The following RGS17 variants were observed in gnomAD, a reference collection of about 807,000 sequenced individuals.
RGS17 encodes the protein regulator of G-protein signaling 17.
RGS17 carries 12 observed loss-of-function variants against 25.5 expected under a neutral mutation model. The ratio of observed to expected loss-of-function variants is 0.47; its 90% CI spans 0.30 to 0.76. The LOEUF is 0.76. Among genes scored for constraint, RGS17 ranks in the 30% least tolerant of loss-of-function variants. RGS17 has a pLI of 0.07. For missense variants in RGS17, 196 were observed against 242.2 expected (o/e 0.81, Z 1.27); for synonymous variants, 71 against 76.9 (o/e 0.92, Z 0.40).
At chr6:153,091,282 G>A (rs1162048616) in intron 1 of RGS17, among the ~76,000 whole-genome samples, 2 of 152,100 alleles carry the variant, frequency 1.3e-5, no homozygotes, top group Non-Finnish European at 2.9e-5. Flanking sequence ...CACTCCCCTG[G>A]TTTCCTGAGA....
chr6:153,129,021 C>T (rs1368394216), intron 1 of RGS17, among the ~76,000 whole-genome samples: 2 of 152,162 alleles, frequency 1.3e-5, no homozygotes, highest in Non-Finnish European at 2.9e-5. Flanking sequence ...TTTTCTTAAT[C>T]GTTCAGACTA....
At chr6:153,031,114 A>T (rs1451504280) in intron 2 of RGS17, among the ~76,000 whole-genome samples, 1 of 152,198 alleles carries the variant, frequency 6.6e-6, no homozygotes, top group East Asian at 1.9e-4. Flanking sequence ...GCAGGGCTGG[A>T]GCAGGAGAAT....
At chr6:153,110,127 C>T (rs146812482) in intron 1 of RGS17, among the ~76,000 whole-genome samples, 1,818 of 152,286 alleles carry the variant, frequency 0.012, 11 homozygotes, top group Non-Finnish European at 0.017. Flanking sequence ...CCAAGAAGCT[C>T]CATAGACCCA....
chr6:153,119,031 T>C (rs13214256), intron 1 of RGS17, among the ~76,000 whole-genome samples: 3 of 152,210 alleles, frequency 2.0e-5, no homozygotes, highest in Non-Finnish European at 4.4e-5. Flanking sequence ...TATGCATGTG[T>C]ATATATTTAG....
intron 1 of RGS17, among the ~76,000 whole-genome samples, chr6:153,123,146 T>C (rs1777661094): frequency 9.0e-6 from 1 of 110,936 alleles, no homozygotes. Flanking sequence ...AGCATGTCTA[T>C]GCCTTAGTGC....
chr6:153,109,615 C>T (rs1283937792), intron 1 of RGS17, among the ~76,000 whole-genome samples: 1 of 151,934 alleles, frequency 6.6e-6, no homozygotes, highest in Non-Finnish European at 1.5e-5. Context: ...GCTGTAAATA[C>T]TTTTTATCAT....
intron 1 of RGS17, among the ~76,000 whole-genome samples, chr6:153,076,123 T>C (rs1211626288): frequency 6.6e-6 from 1 of 152,192 alleles, no homozygotes; most frequent in Non-Finnish European, 1.5e-5. Flanking sequence ...AATATAACTA[T>C]ACATGGAAGA....
chr6:153,044,661 T>C (rs1470395068), intron 1 of RGS17, among the ~76,000 whole-genome samples: 1 of 152,226 alleles, frequency 6.6e-6, no homozygotes, highest in African/African-American at 2.4e-5. Flanking sequence ...TTAGCTTCTC[T>C]TCTTCCATCC....
intron 1 of RGS17, among the ~76,000 whole-genome samples, chr6:153,094,850 G>C (rs1473693480): frequency 1.3e-5 from 2 of 152,012 alleles, no homozygotes; most frequent in Non-Finnish European, 2.9e-5. Context: ...ATCAATGAAA[G>C]CTCTATAAAT....
In RGS17 at chr6:153,131,282, G is replaced by C. The variant is rs1777790141; in HGVS notation, c.-184C>G. Reference sequence around the variant, plus strand: ...GCGGCGAGGATGCAGAGGAGGGGGAGGGGGAGGAGGGAGCGGTGGGCGGGG... The same window carrying C: ...GCGGCGAGGATGCAGAGGAGGGGGACGGGGAGGAGGGAGCGGTGGGCGGGG... On this transcript the variant is annotated 5_prime_UTR_variant, in exon 1 of 5. Transcript: ENST00000206262. The C allele has an allele frequency of 6.7e-6, 1 of 150,244 alleles. No individual in the cohort carries two copies. 9.3% of individuals were successfully genotyped at this position (150,244 alleles called of 1,614,324 possible). A position where few individuals can be genotyped will look rare whatever the true frequency, so the allele number is the denominator to read the frequency against.
intron 4 of RGS17, among the ~76,000 whole-genome samples, chr6:153,014,526 CG>C (rs1779163779): frequency 6.6e-6 from 1 of 152,096 alleles, no homozygotes; most frequent in Admixed American, 6.5e-5. Flanking sequence ...AGGCCAGGCG[CG>C]GTGGCTCACG....
chr6:153,119,617 C>T (rs1251601837), intron 1 of RGS17, among the ~76,000 whole-genome samples: 3 of 152,086 alleles, frequency 2.0e-5, no homozygotes, highest in Middle Eastern at 3.4e-3. Flanking sequence ...TGCTTGAACC[C>T]GGGAGGTGGA....
rs963266286 is a variant in RGS17, at chr6:153,007,572, G to C, written c.*4002C>G. On this transcript the variant is annotated 3_prime_UTR_variant, in exon 5 of 5. Transcript: ENST00000206262. Reference sequence around the variant, plus strand: ...CTATCTATAGGCATTTTCTGTCTAAGACTTAAAAATATTATTATTATAATT... The same window carrying C: ...CTATCTATAGGCATTTTCTGTCTAACACTTAAAAATATTATTATTATAATT... The C allele has an allele frequency of 6.6e-6, 1 of 151,684 alleles. No individual in the cohort carries two copies. The highest frequency in any genetic ancestry group is 1.5e-5 in the Non-Finnish European group (1 of 67,922). 9.4% of individuals were successfully genotyped at this position (151,684 alleles called of 1,614,324 possible).
intron 4 of RGS17, among the ~76,000 whole-genome samples, chr6:153,014,854 T>G (rs1351731476): frequency 6.6e-6 from 1 of 151,660 alleles, no homozygotes; most frequent in East Asian, 1.9e-4. Flanking sequence ...TAGTGATTCC[T>G]CTGATAGATC....
intron 2 of RGS17, among the ~76,000 whole-genome samples, chr6:153,026,972 T>A (rs904653781): frequency 6.6e-6 from 1 of 152,238 alleles, no homozygotes; most frequent in South Asian, 2.1e-4. Context: ...TTTCCCCGAT[T>A]GAGAGCTAAT....
chr6:153,090,957 C>T (rs1439692222), intron 1 of RGS17, among the ~76,000 whole-genome samples: 1 of 152,016 alleles, frequency 6.6e-6, no homozygotes, highest in African/African-American at 2.4e-5. Context: ...GTGGCTTATG[C>T]CCTACAATAA....
In RGS17 at chr6:153,005,220, A is replaced by G. The variant is rs1449456427; in HGVS notation, c.*6354T>C. 1.3e-5 allele frequency: 2 copies of G among 152,192 alleles called. No homozygotes were observed. Among genetic ancestry groups the G allele is most frequent in the African/African-American group, 4.8e-5 (2 of 41,454 alleles). The allele number at this position is 152,192 out of a possible 1,614,324, so 9.4% of individuals were successfully genotyped here. On this transcript the variant is annotated 3_prime_UTR_variant, in exon 5 of 5. Coordinates refer to ENST00000206262, the MANE Select transcript of RGS17 (RefSeq NM_012419.5). Reference sequence around the variant, plus strand: ...GTAAGATAAGATCTTTAATATCCAAAGTATGTGGAGGATTATTGTAAATTG... The same window carrying G: ...GTAAGATAAGATCTTTAATATCCAAGGTATGTGGAGGATTATTGTAAATTG...
chr6:153,103,544 G>A (rs995516467), intron 1 of RGS17, among the ~76,000 whole-genome samples: 7 of 152,066 alleles, frequency 4.6e-5, no homozygotes, highest in Admixed American at 2.6e-4. Context: ...CAGGATATTC[G>A]TCTATTCTTG....
rs527302912 is a variant in RGS17 at position 153,054,667 on chromosome 6, A to G, written c.-25-10624T>C. ...CTTCATCTCAAATAAATAAATAAAT[A>G]AATAAATAAATAAATAAATAAATAA... On this transcript the variant is annotated intron_variant, in intron 1 of 4. Transcript: ENST00000206262. Among the ~76,000 whole-genome samples, 569 of 150,596 alleles carry G rather than the reference A, an allele frequency of 3.8e-3. 2 individuals are homozygous for G. Among genetic ancestry groups the G allele is most frequent in the Middle Eastern group, 0.01 (3 of 294 alleles).
Sources: gnomAD v4.1 joint callset for allele counts (sites outside exome capture counted in the v4.1 genomes callset) on GRCh38, gnomAD v4.1.1 for gene constraint, MANE v1.5 for transcripts, NCBI Gene and HGNC (gene_info 2026-07-23, HGNC 2026-07-21) for gene names.